Variants in KDM4C observed in about 807,000 individuals in gnomAD.
KDM4C encodes lysine-specific demethylase 4C.
A neutral mutation model predicts 129.3 loss-of-function variants in KDM4C; 81 were observed. The ratio of observed to expected loss-of-function variants is 0.63; its 90% CI spans 0.52 to 0.75. KDM4C has a LOEUF of 0.75. Ranked by LOEUF, KDM4C falls within the 30% of genes least tolerant of loss-of-function variation. The pLI, the probability that KDM4C is intolerant of heterozygous loss-of-function variation, is 0.00. For synonymous variants in KDM4C, 573 were observed against 456.1 expected (o/e 1.26, Z -3.26); for missense variants, 1,457 against 1,304.0 (o/e 1.12, Z -1.81).
At chr9:6,725,480 T>TTTTTTA (rs1037255962) in intron 1 of KDM4C, among the ~76,000 whole-genome samples, 3 of 152,092 alleles carry the variant, frequency 2.0e-5, no homozygotes, top group Admixed American at 6.6e-5. Flanking sequence ...AGATTCTCTC[T>TTTTTTA]TTTTTATTTT....
chr9:7,127,782 C>A, intron 18 of KDM4C: 1 of 252,180 alleles, frequency 4.0e-6, no homozygotes. Context: ...TATATATATA[C>A]ATACATATTG....
intron 18 of KDM4C, among the ~76,000 whole-genome samples, chr9:7,111,481 G>A (rs1041295722): frequency 2.0e-5 from 3 of 152,034 alleles, no homozygotes; most frequent in African/African-American, 7.2e-5. Flanking sequence ...TTTTTTAACA[G>A]ATGAGGAAAT....
chr9:7,062,754 A>G (rs556670487), intron 17 of KDM4C, among the ~76,000 whole-genome samples: 1 of 152,052 alleles, frequency 6.6e-6, no homozygotes, highest in South Asian at 2.1e-4. Context: ...AATCTGTGGA[A>G]GGGGTGAAAT....
intron 1 of KDM4C, among the ~76,000 whole-genome samples, chr9:6,790,843 C>T (rs1327868663): frequency 6.6e-6 from 1 of 152,006 alleles, no homozygotes; most frequent in African/African-American, 2.4e-5. Flanking sequence ...GATAGGTGCT[C>T]AATAAATGTT....
upstream of KDM4C, among the ~76,000 whole-genome samples, chr9:6,752,915 A>T (rs373497248): frequency 1.3e-5 from 2 of 152,324 alleles, no homozygotes; most frequent in African/African-American, 4.8e-5. Flanking sequence ...CTCAGTGATG[A>T]AAGATGTCCT....
chr9:7,003,398 C>G (rs1821087681), intron 12 of KDM4C, among the ~76,000 whole-genome samples: 1 of 151,400 alleles, frequency 6.6e-6, no homozygotes, highest in African/African-American at 2.4e-5. Context: ...CTGGTGAAAC[C>G]CATCTCCTCA....
intron 1 of KDM4C, among the ~76,000 whole-genome samples, chr9:6,771,351 G>A (rs934450366): frequency 3.7e-4 from 56 of 151,578 alleles, no homozygotes; most frequent in Non-Finnish European, 2.2e-4. Context: ...TTGCTCTGTC[G>A]CCCAGGCTGG....
intron 4 of KDM4C, among the ~76,000 whole-genome samples, chr9:6,847,405 TG>T: frequency 6.6e-6 from 1 of 152,038 alleles, no homozygotes; most frequent in South Asian, 2.1e-4. Context: ...TCTCTTTTTT[TG>T]TTTTTTTTTT....
intron 8 of KDM4C, among the ~76,000 whole-genome samples, chr9:6,899,248 A>G (rs981085023): frequency 1.3e-5 from 2 of 151,980 alleles, no homozygotes; most frequent in Non-Finnish European, 2.9e-5. Flanking sequence ...TTCTCCCCAC[A>G]TGTGCATAGC....
chr9:7,034,910 A>T (rs988696560), intron 15 of KDM4C, among the ~76,000 whole-genome samples: 1 of 152,070 alleles, frequency 6.6e-6, no homozygotes, highest in African/African-American at 2.4e-5. Flanking sequence ...TTTGATTTAC[A>T]TTTCCCTGGT....
At chr9:6,774,506 A>G (rs1462675084) in intron 1 of KDM4C, among the ~76,000 whole-genome samples, 1 of 151,974 alleles carries the variant, frequency 6.6e-6, no homozygotes, top group Admixed American at 6.6e-5. Flanking sequence ...CTCTACTAAA[A>G]ATACAAAAAT....
chr9:7,134,507 T>C (rs1211194796), intron 19 of KDM4C, among the ~76,000 whole-genome samples: 4 of 152,234 alleles, frequency 2.6e-5, no homozygotes, highest in Non-Finnish European at 5.9e-5. Context: ...ATTTAATATA[T>C]ACATTTCTCA....
chr9:6,929,189 A>G (rs1823195851), intron 8 of KDM4C, among the ~76,000 whole-genome samples: 1 of 152,156 alleles, frequency 6.6e-6, no homozygotes, highest in Non-Finnish European at 1.5e-5. Flanking sequence ...TAGGGCTTAG[A>G]CCTTTCTTTC....
intron 17 of KDM4C, among the ~76,000 whole-genome samples, chr9:7,052,071 A>G (rs530094384): frequency 2.0e-5 from 3 of 152,320 alleles, no homozygotes; most frequent in African/African-American, 4.8e-5. Context: ...TCATTTTTAG[A>G]GAATATCTTG....
At chr9:7,167,754 C>G (rs943606504) in intron 20 of KDM4C, among the ~76,000 whole-genome samples, 13 of 152,226 alleles carry the variant, frequency 8.5e-5, no homozygotes, top group African/African-American at 7.2e-5. Context: ...GAGAGACATA[C>G]CCACCTGGGT....
At chr9:6,851,094 G>A (rs1252876173) in intron 5 of KDM4C, among the ~76,000 whole-genome samples, 1 of 152,180 alleles carries the variant, frequency 6.6e-6, no homozygotes, top group Non-Finnish European at 1.5e-5. Context: ...ACTCATACAG[G>A]CTCCAGTGAC....
At chr9:6,806,015 A>G (rs528178288) in intron 3 of KDM4C, among the ~76,000 whole-genome samples, 1 of 152,110 alleles carries the variant, frequency 6.6e-6, no homozygotes, top group East Asian at 1.9e-4. Context: ...TTCTTATCCT[A>G]TAGTTGCCAT....
At chr9:6,970,747 T>C (rs1231916288) in intron 8 of KDM4C, among the ~76,000 whole-genome samples, 3 of 152,174 alleles carry the variant, frequency 2.0e-5, no homozygotes, top group Non-Finnish European at 2.9e-5. Context: ...ATGAGCAGAA[T>C]TGGTATGTGA....
At chr9:7,019,831 C>T (rs1381605556) in intron 15 of KDM4C, among the ~76,000 whole-genome samples, 1 of 146,484 alleles carries the variant, frequency 6.8e-6, no homozygotes, top group Non-Finnish European at 1.5e-5. Flanking sequence ...CATTCCCAGA[C>T]ATAAATAAAT....
Sources: gnomAD v4.1 joint callset for allele counts (sites outside exome capture counted in the v4.1 genomes callset) on GRCh38, gnomAD v4.1.1 for gene constraint, MANE v1.5 for transcripts, NCBI Gene and HGNC (gene_info 2026-07-23, HGNC 2026-07-21) for gene names.